Variants in CCDC7 observed in about 807,000 individuals in gnomAD.
The protein encoded by CCDC7 is coiled-coil domain containing 7.
In CCDC7, 183 loss-of-function variants were observed where a neutral mutation model predicts 196.9. That is an observed-to-expected ratio of 0.93 (90% CI 0.82 to 1.05). The LOEUF is 1.05. Among genes scored for constraint, CCDC7 ranks in the 50% least tolerant of loss-of-function variants. The pLI, the probability that CCDC7 is intolerant of heterozygous loss-of-function variation, is 0.00. For missense variants in CCDC7, 1,540 were observed against 1,482.2 expected (o/e 1.04, Z -0.64); for synonymous variants, 525 against 484.6 (o/e 1.08, Z -1.10).
intron 20 of CCDC7, among the ~76,000 whole-genome samples, chr10:32,641,204 G>C (rs2066736690): frequency 6.6e-6 from 1 of 152,250 alleles, no homozygotes; most frequent in African/African-American, 2.4e-5. Context: ...GGCCTGCCTT[G>C]CTAGATTGGG....
At chr10:32,653,777 C>G (rs1335994) in intron 20 of CCDC7, among the ~76,000 whole-genome samples, 149,957 of 152,362 alleles carry the variant, frequency 0.98, 73,836 homozygotes, top group Middle Eastern at 1. Flanking sequence ...AATTTCATAT[C>G]ACAATTTGAC....
chr10:32,729,529 A>C (rs2083601951), intron 28 of CCDC7, 72 bp downstream of exon 29: 2 of 712,788 alleles, frequency 2.8e-6, no homozygotes, highest in Non-Finnish European at 4.3e-6. Flanking sequence ...TGGTTTATAA[A>C]TATGCCTTCA....
chr10:32,619,902 C>CAAT lies in CCDC7; in HGVS notation c.1802-14351_1802-14349dup, dbSNP rs1554907933. ...GCATGAGCCACTGCTCCCAGCCCTT[C>CAAT]AATGTACCTTTTTTTTTTTTTTTTT... On this transcript the variant is annotated intron_variant, in intron 18 of 41. Transcript: ENST00000639629. Among the ~76,000 whole-genome samples the CAAT allele has an allele frequency of 2.4e-5, 3 of 126,878 alleles. No homozygotes were observed. In the East Asian group the frequency reaches 7.6e-4, roughly 32 times the overall value. The allele number at this position is 126,878 out of a possible 152,430, so 83.2% of individuals were successfully genotyped here.
chr10:32,623,278 A>C (rs988707840), intron 18 of CCDC7, among the ~76,000 whole-genome samples: 8 of 152,064 alleles, frequency 5.3e-5, no homozygotes, highest in Non-Finnish European at 8.8e-5. Context: ...AAATTATCCT[A>C]TATGTTCTGA....
At chr10:32,490,548 G>C (rs765653525) in intron 8 of CCDC7, among the ~76,000 whole-genome samples, 1 of 152,150 alleles carries the variant, frequency 6.6e-6, no homozygotes, top group African/African-American at 2.4e-5. Flanking sequence ...TGTAATCCCA[G>C]CACTTTGGGA....
chr10:32,817,067 C>T (rs978538847), intron 31 of CCDC7, among the ~76,000 whole-genome samples: 4 of 151,662 alleles, frequency 2.6e-5, no homozygotes, highest in African/African-American at 7.3e-5. Context: ...GAACCCATGG[C>T]GAAGAAGTTA....
intron 30 of CCDC7, among the ~76,000 whole-genome samples, chr10:32,809,922 T>G (rs2086706411): frequency 1.2e-5 from 1 of 86,340 alleles, no homozygotes; most frequent in South Asian, 5.2e-4. Context: ...TAAAGACACA[T>G]GCACGCATAT....
At chr10:32,546,380 G>C (rs2947069) in intron 13 of CCDC7, among the ~76,000 whole-genome samples, 38,198 of 152,088 alleles carry the variant, frequency 0.25, 5,389 homozygotes, top group South Asian at 0.44. Flanking sequence ...AAATATCTGT[G>C]GAGTGTGGTA....
intron 41 of CCDC7, among the ~76,000 whole-genome samples, chr10:32,862,825 A>G (rs1164662608): frequency 1.3e-5 from 2 of 152,104 alleles, no homozygotes; most frequent in South Asian, 2.1e-4. Context: ...AGGATACAAA[A>G]TCAACATACA....
In CCDC7 at chr10:32,871,701, C is replaced by A. The variant is rs1245280857; in HGVS notation, c.4112-4646C>A. On this transcript the variant is annotated intron_variant, in intron 41 of 41. Coordinates refer to ENST00000639629, the Ensembl canonical transcript of CCDC7. ...CTTTTAATTGTGATGTTAGGGTGTC[C>A]ATTTTAGATCTTTCCTGCTTTCTCT... Among the ~76,000 whole-genome samples, 6 of 151,846 alleles carry A rather than the reference C, an allele frequency of 4.0e-5. No individual in the cohort carries two copies. In the East Asian group the frequency reaches 1.2e-3, roughly 29 times the overall value.
At chr10:32,868,495 C>T (rs117065776) in intron 41 of CCDC7, among the ~76,000 whole-genome samples, 5,947 of 151,966 alleles carry the variant, frequency 0.039, 122 homozygotes, top group Middle Eastern at 0.051. Flanking sequence ...CTTCCAAGCT[C>T]TTTATGTGCC....
chr10:32,676,905 A>G (rs1380252182), intron 21 of CCDC7, among the ~76,000 whole-genome samples: 1 of 152,224 alleles, frequency 6.6e-6, no homozygotes, highest in Non-Finnish European at 1.5e-5. Flanking sequence ...ATGCTGCTAT[A>G]AAGACACATG....
chr10:32,738,963 A>G (rs1374980356), intron 28 of CCDC7, among the ~76,000 whole-genome samples: 1 of 152,012 alleles, frequency 6.6e-6, no homozygotes, highest in Non-Finnish European at 1.5e-5. Flanking sequence ...TTGAAGGATT[A>G]TTTGTCTGGA....
At chr10:32,613,117 C>T (rs2062371090) in intron 18 of CCDC7, among the ~76,000 whole-genome samples, 1 of 148,912 alleles carries the variant, frequency 6.7e-6, no homozygotes, top group African/African-American at 2.4e-5. Flanking sequence ...TTGGTCTATT[C>T]AGGGATTCTG....
At chr10:32,817,951 A>G (rs1285125687) in intron 31 of CCDC7, among the ~76,000 whole-genome samples, 5 of 152,324 alleles carry the variant, frequency 3.3e-5, no homozygotes, top group African/African-American at 1.2e-4. Flanking sequence ...ATAACCAGCT[A>G]ACATCATAAT....
intron 28 of CCDC7, among the ~76,000 whole-genome samples, chr10:32,755,764 G>A (rs1156680778): frequency 6.6e-6 from 1 of 152,150 alleles, no homozygotes; most frequent in East Asian, 1.9e-4. Flanking sequence ...ACTTTGACGA[G>A]TTGAGAGAAG....
At chr10:32,653,942 T>A (rs2069270289) in intron 20 of CCDC7, among the ~76,000 whole-genome samples, 1 of 152,214 alleles carries the variant, frequency 6.6e-6, no homozygotes, top group Non-Finnish European at 1.5e-5. Flanking sequence ...TCTTCTGGAA[T>A]GCCCATTATG....
At chr10:32,552,629 C>G (rs564443411) in intron 13 of CCDC7, among the ~76,000 whole-genome samples, 20 of 152,254 alleles carry the variant, frequency 1.3e-4, no homozygotes, top group African/African-American at 4.8e-4. Flanking sequence ...GGCGAATTCT[C>G]TCACCATTTG....
intron 29 of CCDC7, among the ~76,000 whole-genome samples, chr10:32,791,951 T>A (rs530248684): frequency 6.6e-6 from 1 of 152,268 alleles, no homozygotes; most frequent in African/African-American, 2.4e-5. Flanking sequence ...GTCAAAAGAA[T>A]TTTTAAAACA....
Sources: gnomAD v4.1 joint callset for allele counts (sites outside exome capture counted in the v4.1 genomes callset) on GRCh38, gnomAD v4.1.1 for gene constraint, MANE v1.5 for transcripts, NCBI Gene and HGNC (gene_info 2026-07-23, HGNC 2026-07-21) for gene names.